Variants in SLC24A1 observed in about 807,000 individuals in gnomAD.
SLC24A1 encodes sodium/potassium/calcium exchanger 1.
Under a neutral mutation model 88.1 loss-of-function variants are expected in SLC24A1, and 52 were observed. The ratio of observed to expected loss-of-function variants is 0.59; its 90% CI spans 0.47 to 0.74. SLC24A1 has a LOEUF of 0.74. SLC24A1 is among the 30% of genes least tolerant of loss of function. The pLI is 0.00. For missense variants in SLC24A1, 1,173 were observed against 1,363.3 expected (o/e 0.86, Z 2.20); for synonymous variants, 455 against 498.0 (o/e 0.91, Z 1.15).
At chr15:65,643,117 C>T in intron 4 of SLC24A1, 1 of 873,746 alleles carries the variant, frequency 1.1e-6, no homozygotes, top group Non-Finnish European at 1.6e-6. Context: ...ACTGTTTTGA[C>T]CATATTCATG....
chr15:65,649,659 C>T (rs1029246692), intron 6 of SLC24A1, among the ~76,000 whole-genome samples: 1 of 151,986 alleles, frequency 6.6e-6, no homozygotes, highest in African/African-American at 2.4e-5. Context: ...ACCGTAAGTG[C>T]TAGCTATTAT....
chr15:65,638,185 G>C lies in SLC24A1; in HGVS notation c.1944+4G>C. The C allele has an allele frequency of 6.3e-7, 1 of 1,597,782 alleles. No homozygotes were observed. The highest frequency in any genetic ancestry group is 8.6e-7 in the Non-Finnish European group (1 of 1,168,904). On this transcript the variant is annotated splice_donor_region_variant and intron_variant, in intron 3 of 9. Transcript: ENST00000261892. ...ACAGGATAACAAGAAGCTGAAGGTG[G>C]GTGCCGTATGGAGTCTGCCCAGTGG...
intron 8 of SLC24A1, 143 bp from the exon 9 acceptor site, chr15:65,652,499 C>A (rs2075540790): frequency 1.6e-6 from 1 of 636,764 alleles, no homozygotes; most frequent in East Asian, 2.8e-5. Flanking sequence ...AGCTGTCGGT[C>A]CCCCTATCAC....
intron 5 of SLC24A1, among the ~76,000 whole-genome samples, chr15:65,644,727 C>G (rs976551047): frequency 6.6e-6 from 1 of 152,208 alleles, no homozygotes; most frequent in African/African-American, 2.4e-5. Context: ...TCTGACATGG[C>G]CGCTGGTCTG....
Position 65,655,765 on chromosome 15 carries a change from A to G in SLC24A1, c.*1686A>G, listed in dbSNP as rs1264962693. ...TGTTCCAAGTATTCCATCTTTTAAG[A>G]TGAATTGCTTAATTAATTGCCTCGC... On this transcript the variant is annotated 3_prime_UTR_variant, in exon 10 of 10. Transcript: ENST00000261892. 1 of 985,262 alleles carries G rather than the reference A, an allele frequency of 1.0e-6. No individual in the cohort carries two copies. The highest frequency in any genetic ancestry group is 1.2e-6 in the Non-Finnish European group (1 of 829,898). The allele number at this position is 985,262 out of a possible 1,614,324, so 61.0% of individuals were successfully genotyped here. A position where few individuals can be genotyped will look rare whatever the true frequency, so the allele number is the denominator to read the frequency against.
rs773441270 is a variant in SLC24A1 at position 65,625,957 on chromosome 15, A to G, written c.1877A>G (p.Glu626Gly). ...CCAGTGGCCAAGGTCATGGCCTTAGAAGACCTCAGCAAGGTAAGGACAAAT... is the reference window on the plus strand; with the variant it reads ...CCAGTGGCCAAGGTCATGGCCTTAGGAGACCTCAGCAAGGTAAGGACAAAT... ...RRPVAKVMAL[E>G]DLSKPGDGAI... The change falls in exon 2 of 10, where the codon GAA (glutamate) becomes GGA (glycine). Residue 626 changes from glutamate to glycine, a missense_variant. Physicochemically the swap from Glu to Gly is moderately conservative, Grantham distance 98. Transcript: ENST00000261892. 1.2e-6 allele frequency: 2 copies of G among 1,613,016 alleles called. No individual in the cohort carries two copies. The highest frequency in any genetic ancestry group is 1.7e-5 in the Admixed American group (1 of 60,024).
upstream of SLC24A1, among the ~76,000 whole-genome samples, chr15:65,618,199 G>A (rs1236399091): frequency 6.6e-6 from 1 of 152,008 alleles, no homozygotes; most frequent in African/African-American, 2.4e-5. Context: ...CATATGCTTT[G>A]CAAAATTGTC....
intron 2 of SLC24A1, among the ~76,000 whole-genome samples, chr15:65,636,776 T>A (rs2074949525): frequency 6.6e-6 from 1 of 151,918 alleles, no homozygotes; most frequent in Admixed American, 6.6e-5. Flanking sequence ...CTTGGGAGGC[T>A]GAGGCAGGAG....
intron 2 of SLC24A1, among the ~76,000 whole-genome samples, chr15:65,626,985 C>T (rs2074542878): frequency 6.6e-6 from 1 of 152,098 alleles, no homozygotes. Flanking sequence ...TCAGAGAAGC[C>T]GCTGGTGTGA....
At chr15:65,637,012 TG>T in intron 2 of SLC24A1, among the ~76,000 whole-genome samples, 1 of 151,590 alleles carries the variant, frequency 6.6e-6, no homozygotes, top group East Asian at 1.9e-4. Flanking sequence ...AACAGATAAC[TG>T]TAAGTTCATT....
chr15:65,617,484 G>A (rs1302404268), upstream of SLC24A1, among the ~76,000 whole-genome samples: 1 of 152,088 alleles, frequency 6.6e-6, no homozygotes, highest in Non-Finnish European at 1.5e-5. Flanking sequence ...TATTCTCTTT[G>A]TAGCAATTGT....
In SLC24A1 at chr15:65,655,846, G is replaced by GAA. The variant is rs1371114025; in HGVS notation, c.*1768_*1769dup. The GAA allele has an allele frequency of 1.0e-6, 1 of 984,708 alleles. No individual in the cohort carries two copies. The highest frequency in any genetic ancestry group is 1.2e-6 in the Non-Finnish European group (1 of 829,474). The allele number at this position is 984,708 out of a possible 1,614,324, so 61.0% of individuals were successfully genotyped here. On this transcript the variant is annotated 3_prime_UTR_variant, in exon 10 of 10. Transcript: ENST00000261892. ...TTTTTATTAAATTTCAATAAACTGTGAATCCCAATGGTATTTTACTTTACA... is the reference window on the plus strand; with the variant it reads ...TTTTTATTAAATTTCAATAAACTGTGAAAATCCCAATGGTATTTTACTTTACA...
upstream of SLC24A1, among the ~76,000 whole-genome samples, chr15:65,621,072 A>C (rs2074302908): frequency 6.6e-6 from 1 of 152,146 alleles, no homozygotes. Flanking sequence ...GTTCCAGGCC[A>C]CTCAAGGTGA....
intron 9 of SLC24A1, 68 bp downstream of exon 9, chr15:65,652,876 A>G: frequency 7.7e-7 from 1 of 1,300,036 alleles, no homozygotes; most frequent in South Asian, 1.6e-5. Flanking sequence ...GGCTCTGTTC[A>G]CTGGTTTTCT....
rs1465648747 is a variant in SLC24A1, at chr15:65,624,242, C to T, written c.162C>T (p.Val54=). The T allele has an allele frequency of 3.1e-6, 5 of 1,613,904 alleles. No homozygotes were observed. In the East Asian group the frequency reaches 1.1e-4, roughly 36 times the overall value. Residue 54 remains valine (V), a synonymous_variant, in exon 2 of 10, where the codon GTC becomes GTT. Coordinates refer to ENST00000261892, the MANE Select transcript of SLC24A1 (RefSeq NM_004727.3). The part of the protein sequence containing the change: ...PRGLSSLWAA[V]SSHQPIKLAS... ...GCCTTTCCTCATTGTGGGCAGCAGT[C>T]TCTTCTCATCAGCCTATAAAACTGG...
At position 65,625,395 on chromosome 15, in the gene SLC24A1, G is replaced by C. The variant is rs760355633; in HGVS notation, c.1315G>C (p.Glu439Gln). 6.2e-7 allele frequency: 1 copy of C among 1,614,050 alleles called. No homozygotes were observed. The highest frequency in any genetic ancestry group is 8.5e-7 in the Non-Finnish European group (1 of 1,179,896). The change falls in exon 2 of 10, where the codon GAG becomes CAG. Residue 439 changes from glutamate to glutamine, a missense_variant. Physicochemically the swap from Glu to Gln is conservative, Grantham distance 29. Transcript: ENST00000261892. ...PSLPDLHPKG[E>Q]YPPDLFSVEE... ...CTTGCCAGACCTCCACCCCAAGGGAGAGTACCCCCCAGATCTGTTCAGTGT... is the reference window on the plus strand; with the variant it reads ...CTTGCCAGACCTCCACCCCAAGGGACAGTACCCCCCAGATCTGTTCAGTGT...
Position 65,650,496 on chromosome 15 carries a change from G to GGT in SLC24A1, c.2349_2350dup (p.Glu784ValfsTer39). 1 of 1,551,686 alleles carries GGT rather than the reference G, an allele frequency of 6.4e-7. No homozygotes were observed. Among genetic ancestry groups the GGT allele is most frequent in the African/African-American group, 1.4e-5 (1 of 73,092 alleles). On this transcript the variant is annotated frameshift_variant, in exon 7 of 10. Transcript: ENST00000261892. LOFTEE classifies it high-confidence loss of function. This position sits in a 1 kb window ranked among gnomAD's most constrained non-coding sequence, Gnocchi z 4.1. Reference sequence around the variant, plus strand: ...AGGTGAAACTCAACCAGAAGGTGAAGGTGAAACTGAAACACAAGGAAAAGG... The same window carrying GGT: ...AGGTGAAACTCAACCAGAAGGTGAAGGTGTGAAACTGAAACACAAGGAAAAGG...
chr15:65,644,405 G>A (rs368508255), intron 4 of SLC24A1, 22 bp from the exon 5 acceptor site: 29 of 1,518,884 alleles, frequency 1.9e-5, no homozygotes, highest in Non-Finnish European at 2.6e-5. Flanking sequence ...CAGGTAAGAT[G>A]TATGTCCTGT....
chr15:65,642,931 C>T lies in SLC24A1; in HGVS notation c.2054-1496C>T, dbSNP rs1030830950. 2.6e-5 allele frequency: 28 copies of T among 1,091,210 alleles called. No homozygotes were observed. In the African/African-American group the frequency reaches 4.0e-4, roughly 16 times the overall value. 67.6% of individuals were successfully genotyped at this position (1,091,210 alleles called of 1,614,324 possible). ...CCTCTCAGTCCGTCTGTATTATGGA[C>T]TAGATGATCTCCAGGGTTCCTTCTA... On this transcript the variant is annotated intron_variant, in intron 4 of 9. Transcript: ENST00000261892.
Sources: allele counts gnomAD v4.1 joint callset (sites outside exome capture counted in the v4.1 genomes callset), GRCh38; gene constraint gnomAD v4.1.1; non-coding constraint Gnocchi (gnomAD v3.1); transcripts MANE v1.5; gene names NCBI Gene and HGNC (gene_info 2026-07-23, HGNC 2026-07-21).